MAPKAPK5: variants seen among roughly 807,000 people sequenced by gnomAD.
MAPKAPK5 encodes MAPK activated protein kinase 5.
Under a neutral mutation model 65.1 loss-of-function variants are expected in MAPKAPK5, and 30 were observed. The ratio of observed to expected loss-of-function variants is 0.46; its 90% confidence interval spans 0.34 to 0.63. The LOEUF is 0.63. Among genes scored for constraint, MAPKAPK5 ranks in the 20% least tolerant of loss-of-function variants. MAPKAPK5 has a pLI of 0.01. For synonymous variants in MAPKAPK5, 179 were observed against 204.6 expected (o/e 0.87, Z 1.07); for missense variants, 433 against 581.4 (o/e 0.74, Z 2.63).
intron 1 of MAPKAPK5, among the ~76,000 whole-genome samples, chr12:111,849,763 C>G (rs927955476): frequency 6.6e-6 from 1 of 152,112 alleles, no homozygotes; most frequent in Non-Finnish European, 1.5e-5. Flanking sequence ...ATCACCCAGG[C>G]TGGAGTGTAG....
chr12:111,848,482 C>T (rs1170164344), intron 1 of MAPKAPK5, among the ~76,000 whole-genome samples: 2 of 148,250 alleles, frequency 1.3e-5, no homozygotes, highest in Admixed American at 6.8e-5. Context: ...GGCACGATCT[C>T]GGCTCACTGC....
chr12:111,888,474 G>A lies in MAPKAPK5; in HGVS notation c.970-14G>A. 1 of 1,612,450 alleles carries A rather than the reference G, an allele frequency of 6.2e-7. No homozygotes were observed. Among genetic ancestry groups the A allele is most frequent in the South Asian group, 1.1e-5 (1 of 90,770 alleles). ...CAATGAATATGAAAAACTGACGGCA[G>A]TGTTTGCATTCAGGCAGTGGTTGCA... On this transcript the variant is annotated splice_polypyrimidine_tract_variant and intron_variant, in intron 10 of 13. Coordinates refer to ENST00000550735, the MANE Select transcript of MAPKAPK5 (RefSeq NM_003668.4).
At chr12:111,867,752 C>T in intron 4 of MAPKAPK5, 83 bp downstream of exon 4, 1 of 981,058 alleles carries the variant, frequency 1.0e-6, no homozygotes. Flanking sequence ...TGTGCTCCCT[C>T]CCCTTCCCTC....
In MAPKAPK5 at chr12:111,900,895, A is replaced by G. The variant is rs2071024578; in HGVS notation, c.*7834A>G. 2.2e-6 allele frequency: 1 copy of G among 455,892 alleles called. No homozygotes were observed. The highest frequency in any genetic ancestry group is 1.5e-5 in the South Asian group (1 of 64,546). 28.2% of individuals were successfully genotyped at this position (455,892 alleles called of 1,614,324 possible). A position where few individuals can be genotyped will look rare whatever the true frequency, so the allele number is the denominator to read the frequency against. ...CCTAATAATCAGTGCTTACAATTAT[A>G]TGGATATGGTGCAAAATCAGCCTCA... On this transcript the variant is annotated 3_prime_UTR_variant, in exon 14 of 14. Transcript: ENST00000550735.
intron 1 of MAPKAPK5, among the ~76,000 whole-genome samples, chr12:111,864,763 AT>A (rs980292120): frequency 6.6e-6 from 1 of 151,828 alleles, no homozygotes; most frequent in South Asian, 2.1e-4. Flanking sequence ...ATTAGTTACT[AT>A]TTTTTTTGAA....
chr12:111,869,774 G>T lies in MAPKAPK5; in HGVS notation c.394-497G>T, dbSNP rs368886261. 2.7e-4 allele frequency among the ~76,000 whole-genome samples: 41 copies of T among 152,156 alleles called. 1 individual carries two copies. The South Asian group carries it at 7.3e-3, about 27-fold the overall frequency. On this transcript the variant is annotated intron_variant, in intron 5 of 13. Coordinates refer to ENST00000550735, the MANE Select transcript of MAPKAPK5 (RefSeq NM_003668.4). The stretch of plus-strand genomic sequence containing the variant: ...AACCCCTTCAAATCCACATAAACAG[G>T]CAACATTTTCAACAAGCATGATGAG...
Position 111,842,718 on chromosome 12 carries a change from G to A in MAPKAPK5, c.-16G>A. The stretch of plus-strand genomic sequence containing the variant: ...AGCAGCCTCCGCCTCTCCCGGCTGT[G>A]GGGGCCCCACTGAGTATGTCGGAGG... On this transcript the variant is annotated 5_prime_UTR_variant, in exon 1 of 14. Coordinates refer to ENST00000550735, the MANE Select transcript of MAPKAPK5 (RefSeq NM_003668.4). The A allele has an allele frequency of 7.3e-7, 1 of 1,375,024 alleles. No homozygotes were observed. The allele number at this position is 1,375,024 out of a possible 1,614,324, so 85.2% of individuals were successfully genotyped here. A position where few individuals can be genotyped will look rare whatever the true frequency, so the allele number is the denominator to read the frequency against.
intron 6 of MAPKAPK5, 140 bp downstream of exon 6, chr12:111,870,500 C>T: frequency 1.8e-6 from 1 of 564,418 alleles, no homozygotes; most frequent in Non-Finnish European, 3.2e-6. Flanking sequence ...TCAACTCGTT[C>T]CCTTGCTAGA....
intron 7 of MAPKAPK5, 108 bp from the exon 8 acceptor site, chr12:111,880,339 T>C: frequency 1.1e-6 from 1 of 884,390 alleles, no homozygotes; most frequent in South Asian, 1.4e-5. Flanking sequence ...TTTCGATGGC[T>C]GATTGCCAGT....
intron 10 of MAPKAPK5, chr12:111,887,923 G>C (rs2070465755): frequency 6.5e-6 from 1 of 152,908 alleles, no homozygotes; most frequent in South Asian, 2.1e-4. Context: ...TTCCTATGAA[G>C]CCTTCTGATG....
rs1593191761 is a variant in MAPKAPK5 at position 111,893,124 on chromosome 12, T to C, written c.*63T>C. The C allele has an allele frequency of 7.7e-6, 9 of 1,168,118 alleles. No individual in the cohort carries two copies. The East Asian group carries it at 2.4e-4, about 31-fold the overall frequency. 72.4% of individuals were successfully genotyped at this position (1,168,118 alleles called of 1,614,324 possible). A position where few individuals can be genotyped will look rare whatever the true frequency, so the allele number is the denominator to read the frequency against. ...AATTATTCTTTAATGTATAAAGTAATTTTATGTAAATTAATAAATCATAAT... is the reference window on the plus strand; with the variant it reads ...AATTATTCTTTAATGTATAAAGTAACTTTATGTAAATTAATAAATCATAAT... On this transcript the variant is annotated 3_prime_UTR_variant, in exon 14 of 14. Coordinates refer to ENST00000550735, the MANE Select transcript of MAPKAPK5 (RefSeq NM_003668.4).
rs1166480081 is a variant in MAPKAPK5, at chr12:111,842,621, C to G, written c.-113C>G. 3.0e-6 allele frequency: 2 copies of G among 673,002 alleles called. No homozygotes were observed. Among genetic ancestry groups the G allele is most frequent in the Non-Finnish European group, 4.3e-6 (2 of 462,480 alleles). The allele number at this position is 673,002 out of a possible 1,614,324, so 41.7% of individuals were successfully genotyped here. A position where few individuals can be genotyped will look rare whatever the true frequency, so the allele number is the denominator to read the frequency against. On this transcript the variant is annotated 5_prime_UTR_variant, in exon 1 of 14. Coordinates refer to ENST00000550735, the MANE Select transcript of MAPKAPK5 (RefSeq NM_003668.4). ...CCGGTCCCGAGGGGCGGCTGCTGCC[C>G]GTCGCCACGAGGCCCAGGGGCCCGA...
intron 1 of MAPKAPK5, among the ~76,000 whole-genome samples, chr12:111,858,806 G>T (rs1411098627): frequency 6.8e-6 from 1 of 147,132 alleles, no homozygotes; most frequent in Non-Finnish European, 1.5e-5. Context: ...CTCCTAAAGT[G>T]CTGGGATTAC....
chr12:111,866,195 G>A lies in MAPKAPK5; in HGVS notation c.150G>A (p.Leu50=). 1 of 1,612,446 alleles carries A rather than the reference G, an allele frequency of 6.2e-7. No individual in the cohort carries two copies. The highest frequency in any genetic ancestry group is 1.1e-5 in the South Asian group (1 of 90,620). Residue 50 remains leucine, a synonymous_variant, in exon 3 of 14, where the codon CTG becomes CTA. Coordinates refer to ENST00000550735, the MANE Select transcript of MAPKAPK5 (RefSeq NM_003668.4). ...VKKSTQERFA[L]KILLDRPKAR... is the part of the protein sequence containing the mutation. The stretch of plus-strand genomic sequence containing the variant: ...AATCTACTCAAGAACGGTTTGCGCT[G>A]AAAATTCTTCTTGATCGTCCAAAAG...
chr12:111,874,564 T>C (rs7309970), intron 7 of MAPKAPK5, among the ~76,000 whole-genome samples: 66,362 of 140,744 alleles, frequency 0.47, 19,242 homozygotes, highest in East Asian at 0.91. Flanking sequence ...CTCTGCCTCC[T>C]GGGTTCAAGC....
In MAPKAPK5 at chr12:111,883,768, A is replaced by G. The variant is rs201245512; in HGVS notation, c.848A>G (p.Lys283Arg). The G allele has an allele frequency of 9.3e-6, 15 of 1,613,002 alleles. No individual in the cohort carries two copies. The highest frequency in any genetic ancestry group is 1.1e-5 in the Non-Finnish European group (13 of 1,179,504). ...ISEMAKDVVR[K>R]LLKVKPEERL... is the part of the protein sequence containing the mutation. ...GAGATGGCCAAAGATGTTGTGAGGAAGTGAGTTCACGGGCTGCTGGGCATG... is the reference window on the plus strand; with the variant it reads ...GAGATGGCCAAAGATGTTGTGAGGAGGTGAGTTCACGGGCTGCTGGGCATG... The change falls in exon 9 of 14, where the codon AAG becomes AGG. Residue 283 changes from lysine to arginine, a missense_variant and splice_region_variant. Coordinates refer to ENST00000550735, the MANE Select transcript of MAPKAPK5 (RefSeq NM_003668.4). This position sits in a 1 kb window ranked among gnomAD's most constrained non-coding sequence, Gnocchi z 4.8.
At chr12:111,852,839 T>A (rs1437230191) in intron 1 of MAPKAPK5, among the ~76,000 whole-genome samples, 1 of 152,122 alleles carries the variant, frequency 6.6e-6, no homozygotes. Context: ...AGTAGTGCAA[T>A]CTCGGCTGAC....
rs927208431 is a variant in MAPKAPK5 at position 111,902,215 on chromosome 12, T to C, written c.*9154T>C. 1 of 152,220 alleles carries C rather than the reference T, an allele frequency of 6.6e-6. No homozygotes were observed. The highest frequency in any genetic ancestry group is 2.4e-5 in the African/African-American group (1 of 41,448). The allele number at this position is 152,220 out of a possible 1,614,324, so 9.4% of individuals were successfully genotyped here. On this transcript the variant is annotated 3_prime_UTR_variant, in exon 14 of 14. Coordinates refer to ENST00000550735, the MANE Select transcript of MAPKAPK5 (RefSeq NM_003668.4). ...AAAAACAAATAAAACCCGATTCATA[T>C]TAGACAACTCTTCAGGTTCCACATG...
At position 111,900,621 on chromosome 12, in the gene MAPKAPK5, CTA is replaced by C. The variant is rs1208548562; in HGVS notation, c.*7562_*7563del. On this transcript the variant is annotated 3_prime_UTR_variant, in exon 14 of 14. Transcript: ENST00000550735. ...CACGGAGCAGTGTGACTGTGGTTCT[CTA>C]TGTCAGCATCATGCATGCTGTGATG... 8.8e-6 allele frequency: 4 copies of C among 456,142 alleles called. No homozygotes were observed. Among genetic ancestry groups the C allele is most frequent in the South Asian group, 6.2e-5 (4 of 64,568 alleles). 28.3% of individuals were successfully genotyped at this position (456,142 alleles called of 1,614,324 possible).
Sources: allele counts gnomAD v4.1 joint callset (sites outside exome capture counted in the v4.1 genomes callset), GRCh38; gene constraint gnomAD v4.1.1; non-coding constraint Gnocchi (gnomAD v3.1); transcripts MANE v1.5; gene names NCBI Gene and HGNC (gene_info 2026-07-23, HGNC 2026-07-21).